The following TRAP1 variants were observed in gnomAD, a reference collection of about 807,000 sequenced individuals.
The protein encoded by TRAP1 is heat shock protein 75 kDa, mitochondrial.
A neutral mutation model predicts 89.1 loss-of-function variants in TRAP1; 102 were observed. The observed-to-expected ratio is 1.15, with a 90% CI of 0.98 to 1.35. The LOEUF (loss-of-function observed/expected upper bound fraction) is 1.35. TRAP1 is among the 40% of genes most tolerant of loss of function. The pLI, the probability that TRAP1 is intolerant of heterozygous loss-of-function variation, is 0.00. For synonymous variants in TRAP1, 508 were observed against 388.0 expected, an observed-to-expected ratio of 1.31 and a Z score of -3.64; for missense variants, 1,256 against 945.3, an observed-to-expected ratio of 1.33 and a Z score of -4.31.
intron 1 of TRAP1, among the ~76,000 whole-genome samples, chr16:3,711,909 G>A (rs1217346457): frequency 1.3e-5 from 2 of 152,224 alleles, no homozygotes; most frequent in East Asian, 1.9e-4. Flanking sequence ...CACCAAAAAC[G>A]CCATCCATGA....
At chr16:3,689,951 G>C (rs2051191150) in intron 2 of TRAP1, 1 of 152,252 alleles carries the variant, frequency 6.6e-6, no homozygotes, top group African/African-American at 2.4e-5. Flanking sequence ...GCTGAGCCTG[G>C]TTTCCCAATG....
chr16:3,711,397 A>G (rs1232849622), intron 1 of TRAP1, among the ~76,000 whole-genome samples: 1 of 151,932 alleles, frequency 6.6e-6, no homozygotes, highest in Non-Finnish European at 1.5e-5. Context: ...TCAGAAGTTC[A>G]AGACCAGCCT....
intron 4 of TRAP1, among the ~76,000 whole-genome samples, chr16:3,681,600 C>T (rs1266250853): frequency 2.6e-5 from 4 of 152,046 alleles, no homozygotes; most frequent in Admixed American, 2.0e-4. Context: ...TATTGTAGAT[C>T]ATGTAATAAT....
chr16:3,708,678 T>C (rs1378653575), intron 1 of TRAP1, among the ~76,000 whole-genome samples: 1 of 150,998 alleles, frequency 6.6e-6, no homozygotes, highest in Non-Finnish European at 1.5e-5. Context: ...GAGCCGGGCA[T>C]GGTGGCGCGT....
At chr16:3,699,112 A>G (rs2051330306) in intron 1 of TRAP1, among the ~76,000 whole-genome samples, 1 of 152,004 alleles carries the variant, frequency 6.6e-6, no homozygotes, top group Non-Finnish European at 1.5e-5. Flanking sequence ...ATGTGACACC[A>G]CACACCCCTC....
intron 12 of TRAP1, among the ~76,000 whole-genome samples, chr16:3,665,681 C>G (rs752834445): frequency 6.6e-6 from 1 of 152,214 alleles, no homozygotes; most frequent in Non-Finnish European, 1.5e-5. Flanking sequence ...TGAGGGGAGA[C>G]AGTGTGTGCA....
chr16:3,671,673 T>C, intron 11 of TRAP1, 49 bp downstream of exon 11: 1 of 1,590,120 alleles, frequency 6.3e-7, no homozygotes, highest in Non-Finnish European at 8.6e-7. Flanking sequence ...AAGGAGCAGG[T>C]AGGGGCCTTG....
intron 11 of TRAP1, among the ~76,000 whole-genome samples, chr16:3,669,365 C>G (rs1303555105): frequency 6.6e-6 from 1 of 152,186 alleles, no homozygotes; most frequent in East Asian, 1.9e-4. Flanking sequence ...AAGTCGGGGT[C>G]CTGCTGTCAG....
chr16:3,658,455 C>A (rs542357934), intron 17 of TRAP1: 5 of 584,544 alleles, frequency 8.6e-6, no homozygotes, highest in Non-Finnish European at 1.5e-5. Flanking sequence ...TGGCTGGGCA[C>A]GGTGGCTCAC....
At position 3,665,992 on chromosome 16, in the gene TRAP1, G is replaced by A. The variant is rs542900647; in HGVS notation, c.1362C>T (p.Thr454=). 9.3e-6 allele frequency: 15 copies of A among 1,613,660 alleles called. No individual in the cohort carries two copies. Among genetic ancestry groups the A allele is most frequent in the East Asian group, 8.9e-5 (4 of 44,836 alleles). The part of the protein sequence containing the change: ...YGLFMREGIV[T]ATEQEVKEDI... ...ATACCTTGACCTCCTGCTCGGTGGCGGTCACAATGCCCTCCCGCATGAACA... is the reference window on the plus strand; with the variant it reads ...ATACCTTGACCTCCTGCTCGGTGGCAGTCACAATGCCCTCCCGCATGAACA... The change falls in exon 12 of 18, where the codon ACC becomes ACT. Residue 454 remains threonine (T), a synonymous_variant. Transcript: ENST00000246957.
intron 1 of TRAP1, among the ~76,000 whole-genome samples, chr16:3,712,759 C>T (rs2051549117): frequency 6.6e-6 from 1 of 152,158 alleles, no homozygotes; most frequent in East Asian, 1.9e-4. Flanking sequence ...GGATTACAGG[C>T]GCCTGCCACC....
intron 11 of TRAP1, among the ~76,000 whole-genome samples, chr16:3,668,670 G>C (rs2151248031): frequency 6.6e-6 from 1 of 152,292 alleles, no homozygotes; most frequent in East Asian, 1.9e-4. Context: ...ACAACCACAA[G>C]CTGGGATGAG....
In TRAP1 at chr16:3,717,470, G is replaced by A. The variant is rs1567251452; in HGVS notation, c.39C>T (p.Arg13=). The A allele has an allele frequency of 2.3e-6, 3 of 1,310,482 alleles. No homozygotes were observed. Among genetic ancestry groups the A allele is most frequent in the African/African-American group, 1.6e-5 (1 of 64,496 alleles). The allele number at this position is 1,310,482 out of a possible 1,614,324, so 81.2% of individuals were successfully genotyped here. Residue 13 remains arginine, a synonymous_variant, in exon 1 of 18, where the codon CGC becomes CGT. Coordinates refer to ENST00000246957, the MANE Select transcript of TRAP1 (RefSeq NM_016292.3). ...GCGCCCGCAGCAAAGGCCGCAGGCG[G>A]CGGCCCCACAGCAGCAGCGCCCGCA... ...RELRALLLWG[R]RLRPLLRAPA... is the part of the protein sequence containing the mutation.
intron 1 of TRAP1, among the ~76,000 whole-genome samples, chr16:3,701,382 A>G (rs1164805101): frequency 6.6e-6 from 1 of 152,076 alleles, no homozygotes; most frequent in Non-Finnish European, 1.5e-5. Context: ...TAACTGACAG[A>G]ATCAAACCAA....
chr16:3,684,793 A>G (rs1304459125), intron 4 of TRAP1, among the ~76,000 whole-genome samples: 1 of 152,198 alleles, frequency 6.6e-6, no homozygotes, highest in East Asian at 1.9e-4. Flanking sequence ...CTGTCTCCAA[A>G]AAAAAGGAAA....
chr16:3,664,630 C>A, intron 12 of TRAP1, 171 bp from the exon 13 acceptor site: 1 of 661,164 alleles, frequency 1.5e-6, no homozygotes, highest in South Asian at 2.2e-5. Context: ...CCTTGCTCTG[C>A]CCATCAGGCC....
At chr16:3,694,780 C>G (rs1475180975) in intron 1 of TRAP1, among the ~76,000 whole-genome samples, 1 of 152,194 alleles carries the variant, frequency 6.6e-6, no homozygotes, top group African/African-American at 2.4e-5. Context: ...ACCCGGCCTT[C>G]AAACCCCACA....
intron 1 of TRAP1, among the ~76,000 whole-genome samples, chr16:3,717,090 C>T (rs913205228): frequency 2.0e-4 from 30 of 152,246 alleles, no homozygotes; most frequent in African/African-American, 7.0e-4. Flanking sequence ...TCCGCAGCGG[C>T]TCCACCTGCA....
chr16:3,675,974 C>A, intron 7 of TRAP1, 62 bp downstream of exon 7: 1 of 1,411,676 alleles, frequency 7.1e-7, no homozygotes, highest in Non-Finnish European at 9.8e-7. Context: ...TGCCTGCTGA[C>A]CTGGTGGCCT....
Sources: allele counts gnomAD v4.1 joint callset (sites outside exome capture counted in the v4.1 genomes callset), GRCh38; gene constraint gnomAD v4.1.1; transcripts MANE v1.5; gene names NCBI Gene and HGNC (gene_info 2026-07-23, HGNC 2026-07-21).